The following SCCPDH variants were observed in gnomAD, a reference collection of about 807,000 sequenced individuals.
The protein encoded by SCCPDH is saccharopine dehydrogenase-like oxidoreductase.
A neutral mutation model predicts 51.5 loss-of-function variants in SCCPDH; 34 were observed. The observed-to-expected ratio is 0.66, with a 90% CI of 0.50 to 0.88. SCCPDH has a LOEUF of 0.88. SCCPDH is among the 40% of genes least tolerant of loss of function. The probability of loss-of-function intolerance (pLI) is 0.00; values close to 1 mark genes in which losing one functional copy is unlikely to be tolerated. For missense variants in SCCPDH, 464 were observed against 527.1 expected (o/e 0.88, Z 1.17); for synonymous variants, 187 against 191.3 (o/e 0.98, Z 0.19).
intron 5 of SCCPDH, among the ~76,000 whole-genome samples, chr1:246,745,640 G>A (rs928072861): frequency 2.0e-5 from 3 of 152,004 alleles, no homozygotes; most frequent in Admixed American, 2.0e-4. Flanking sequence ...CAAAGATGGG[G>A]TGGGATGGAA....
At chr1:246,733,644 G>A (rs980947594) in intron 2 of SCCPDH, among the ~76,000 whole-genome samples, 1 of 151,998 alleles carries the variant, frequency 6.6e-6, no homozygotes, top group African/African-American at 2.4e-5. Context: ...AGGAAGTGGA[G>A]GAGGAGAAAT....
chr1:246,740,028 AT>A (rs1668654667), intron 3 of SCCPDH, 143 bp from the exon 4 acceptor site: 1 of 551,580 alleles, frequency 1.8e-6, no homozygotes, highest in South Asian at 4.1e-5. Flanking sequence ...AGTGGAAAAT[AT>A]TTTGACAGTT....
At chr1:246,749,973 G>C (rs1168484105) in intron 5 of SCCPDH, among the ~76,000 whole-genome samples, 3 of 152,202 alleles carry the variant, frequency 2.0e-5, no homozygotes, top group Non-Finnish European at 4.4e-5. Context: ...AAGGGGAAAA[G>C]AAAGAGATGC....
At chr1:246,765,354 G>A (rs1558176016) in intron 10 of SCCPDH, among the ~76,000 whole-genome samples, 2 of 152,200 alleles carry the variant, frequency 1.3e-5, no homozygotes, top group Non-Finnish European at 2.9e-5. Context: ...CTTCTAAAGG[G>A]TTGGGATTAC....
chr1:246,724,575 G>C lies in SCCPDH; in HGVS notation c.153G>C (p.Lys51Asn), dbSNP rs751052322. Residue 51 changes from lysine to asparagine, a missense_variant, in exon 1 of 12, where the codon AAG becomes AAC. By Grantham distance (94) the Lys-to-Asn change is moderately conservative (BLOSUM62 0). Transcript: ENST00000366510. ...CCGTGGCGGGCCGCTCCCGGGAGAA[G>C]CTGCAGCGGGTGCTGGAGAAGGCGG... ...PWAVAGRSREKLQRVLEKAAL... is the reference protein window; with the variant it reads ...PWAVAGRSRENLQRVLEKAAL... The C allele has an allele frequency of 2.0e-6, 3 of 1,526,264 alleles. No homozygotes were observed. Among genetic ancestry groups the C allele is most frequent in the African/African-American group, 2.9e-5 (2 of 69,822 alleles). 94.5% of individuals were successfully genotyped at this position (1,526,264 alleles called of 1,614,324 possible).
At chr1:246,736,875 A>G (rs1387651450) in intron 3 of SCCPDH, among the ~76,000 whole-genome samples, 2 of 152,192 alleles carry the variant, frequency 1.3e-5, no homozygotes, top group East Asian at 1.9e-4. Context: ...AAATATACCT[A>G]TAGGGTAGTT....
chr1:246,763,098 C>G (rs1221195863), intron 9 of SCCPDH, among the ~76,000 whole-genome samples: 1 of 152,076 alleles, frequency 6.6e-6, no homozygotes, highest in African/African-American at 2.4e-5. Flanking sequence ...TTGAGAATCA[C>G]CACTGCGGAG....
intron 5 of SCCPDH, among the ~76,000 whole-genome samples, chr1:246,750,087 T>C (rs2102987219): frequency 6.6e-6 from 1 of 152,274 alleles, no homozygotes; most frequent in Admixed American, 6.5e-5. Flanking sequence ...GACCCAGGTG[T>C]AATGAGTCCA....
At chr1:246,750,345 T>G (rs765028807) in intron 5 of SCCPDH, among the ~76,000 whole-genome samples, 3 of 152,104 alleles carry the variant, frequency 2.0e-5, no homozygotes, top group Non-Finnish European at 4.4e-5. Flanking sequence ...GTTTTGACTG[T>G]GGGAATGTCA....
intron 2 of SCCPDH, among the ~76,000 whole-genome samples, chr1:246,734,164 G>A (rs1361147850): frequency 6.6e-6 from 1 of 152,078 alleles, no homozygotes; most frequent in Non-Finnish European, 1.5e-5. Context: ...TAAAGCAGGT[G>A]GACTCATGGC....
intron 5 of SCCPDH, among the ~76,000 whole-genome samples, chr1:246,750,291 T>C (rs1423497876): frequency 6.6e-6 from 1 of 152,004 alleles, no homozygotes; most frequent in East Asian, 1.9e-4. Flanking sequence ...GACGAGAAAG[T>C]GGAAGATAAA....
intron 4 of SCCPDH, among the ~76,000 whole-genome samples, chr1:246,741,119 A>T (rs1340462157): frequency 6.6e-6 from 1 of 152,044 alleles, no homozygotes; most frequent in African/African-American, 2.4e-5. Flanking sequence ...AACAAAAACA[A>T]AAAACAAAAC....
chr1:246,744,073 T>C lies in SCCPDH; in HGVS notation c.515-3T>C, dbSNP rs940441221. 4 of 1,579,942 alleles carry C rather than the reference T, an allele frequency of 2.5e-6. No homozygotes were observed. The African/African-American group carries it at 5.4e-5, about 21-fold the overall frequency. ...GCTTTTTACCATTCTCCTACTCTTT[T>C]AGGTACTTTGACTGCTGTGGAAAGT... On this transcript the variant is annotated splice_polypyrimidine_tract_variant and splice_region_variant and intron_variant, in intron 4 of 11. Coordinates refer to ENST00000366510, the MANE Select transcript of SCCPDH (RefSeq NM_016002.3).
chr1:246,744,141 T>G lies in SCCPDH; in HGVS notation c.564+16T>G. 6.6e-7 allele frequency: 1 copy of G among 1,506,800 alleles called. No individual in the cohort carries two copies. Among genetic ancestry groups the G allele is most frequent in the Non-Finnish European group, 9.1e-7 (1 of 1,094,926 alleles). 93.3% of individuals were successfully genotyped at this position (1,506,800 alleles called of 1,614,324 possible). ...AGGACCTGAGGTTGGTTTTTTGGTT[T>G]GTCTTGTGTTGTTTCAAGTTAATAT... On this transcript the variant is annotated intron_variant, in intron 5 of 11. Coordinates refer to ENST00000366510, the MANE Select transcript of SCCPDH (RefSeq NM_016002.3).
rs545637037 is a variant in SCCPDH at position 246,754,146 on chromosome 1, G to A, written c.565-4080G>A. On this transcript the variant is annotated intron_variant, in intron 5 of 11. Transcript: ENST00000366510. ...TTCACACACACTTTCAACCCCCGCA[G>A]AGTATCCCGACCACCGAGGAAACGC... 2.0e-5 allele frequency among the ~76,000 whole-genome samples: 3 copies of A among 151,454 alleles called. No individual in the cohort carries two copies. The East Asian group carries it at 5.8e-4, about 30-fold the overall frequency.
At position 246,730,041 on chromosome 1, in the gene SCCPDH, TAAAA is replaced by T. The variant is rs367602528; in HGVS notation, c.303+3041_303+3044del. The stretch of plus-strand genomic sequence containing the variant: ...TAAATATGTGATATCTCCCATATTT[TAAAA>T]AAAGCTGCTTGATTCCACATACCCT... On this transcript the variant is annotated intron_variant, in intron 2 of 11. Transcript: ENST00000366510. 5.1e-3 allele frequency among the ~76,000 whole-genome samples: 774 copies of T among 152,230 alleles called. 10 individuals are homozygous for T. Among genetic ancestry groups the T allele is most frequent in the African/African-American group, 0.018 (732 of 41,546 alleles).
At chr1:246,741,565 T>C (rs892730337) in intron 4 of SCCPDH, among the ~76,000 whole-genome samples, 7 of 152,000 alleles carry the variant, frequency 4.6e-5, no homozygotes, top group African/African-American at 1.7e-4. Flanking sequence ...CGCAGAGTGC[T>C]GGGATTACAG....
At chr1:246,756,093 A>G (rs1247908386) in intron 5 of SCCPDH, among the ~76,000 whole-genome samples, 1 of 152,250 alleles carries the variant, frequency 6.6e-6, no homozygotes, top group Non-Finnish European at 1.5e-5. Flanking sequence ...GTGTACTTTT[A>G]AAATTGAGAA....
chr1:246,735,022 TG>T (rs1040138662), intron 2 of SCCPDH, among the ~76,000 whole-genome samples: 45 of 152,234 alleles, frequency 3.0e-4, no homozygotes, highest in African/African-American at 1.0e-3. Flanking sequence ...ATAATACCAC[TG>T]GTTCTTGGCC....
Sources: gnomAD v4.1 joint callset for allele counts (sites outside exome capture counted in the v4.1 genomes callset) on GRCh38, gnomAD v4.1.1 for gene constraint, MANE v1.5 for transcripts, NCBI Gene and HGNC (gene_info 2026-07-23, HGNC 2026-07-21) for gene names.